Variants in PHF24 observed in about 807,000 individuals in gnomAD.
PHF24 encodes the protein Galpha inhibitory interacting protein.
Under a neutral mutation model 42.6 loss-of-function variants are expected in PHF24, and 25 were observed. That is an observed-to-expected ratio of 0.59 (90% CI 0.43 to 0.82). PHF24 has a LOEUF of 0.82. PHF24 is among the 40% of genes least tolerant of loss of function. PHF24 has a pLI of 0.00. For missense variants in PHF24, 470 were observed against 538.1 expected, an observed-to-expected ratio of 0.87 and a Z score of 1.25; for synonymous variants, 185 against 204.8, an observed-to-expected ratio of 0.90 and a Z score of 0.83.
At chr9:34,817,874 G>A in the PHF24 span, among the ~76,000 whole-genome samples, 1 of 152,130 alleles carries the variant, frequency 6.6e-6, no homozygotes, top group Non-Finnish European at 1.5e-5. Context: ...AAATCAATTG[G>A]CCATATATGT....
At chr9:34,938,568 T>C in the PHF24 span, among the ~76,000 whole-genome samples, 1 of 152,176 alleles carries the variant, frequency 6.6e-6, no homozygotes, top group African/African-American at 2.4e-5. Flanking sequence ...ACTGGCGATA[T>C]AACCCTGTGC....
At chr9:34,877,772 A>G in the PHF24 span, among the ~76,000 whole-genome samples, 3 of 152,210 alleles carry the variant, frequency 2.0e-5, no homozygotes, top group Non-Finnish European at 4.4e-5. Flanking sequence ...CATGTGCAGA[A>G]TGTGCAGTTT....
At chr9:34,787,666 T>C in the PHF24 span, among the ~76,000 whole-genome samples, 2 of 152,186 alleles carry the variant, frequency 1.3e-5, no homozygotes, top group African/African-American at 4.8e-5. Flanking sequence ...ACCAACTGAA[T>C]TGAACATCTG....
chr9:34,700,075 A>C, the PHF24 span, among the ~76,000 whole-genome samples: 1 of 152,288 alleles, frequency 6.6e-6, no homozygotes, highest in East Asian at 1.9e-4. Context: ...GGTAGAGAAA[A>C]CAGCAAGGGC....
chr9:34,915,826 C>T, the PHF24 span, among the ~76,000 whole-genome samples: 18 of 152,212 alleles, frequency 1.2e-4, no homozygotes, highest in Admixed American at 4.6e-4. Flanking sequence ...CTCTGTGTCC[C>T]GACCCAAATC....
the PHF24 span, among the ~76,000 whole-genome samples, chr9:34,720,451 C>CAAA: frequency 2.6e-4 from 9 of 34,716 alleles, no homozygotes; most frequent in Admixed American, 4.0e-4. Flanking sequence ...GACTCCGTCT[C>CAAA]AAAAAAAAAA....
At chr9:34,971,273 C>A (rs769157665) in intron 1 of PHF24, 22 bp from the exon 2 acceptor site, 1 of 1,570,138 alleles carries the variant, frequency 6.4e-7, no homozygotes, top group Admixed American at 1.7e-5. Flanking sequence ...TGAACCTGTG[C>A]CCCTCTGCTT....
At chr9:34,830,734 T>A in the PHF24 span, among the ~76,000 whole-genome samples, 1 of 152,094 alleles carries the variant, frequency 6.6e-6, no homozygotes, top group Non-Finnish European at 1.5e-5. Flanking sequence ...CTGAGAGACC[T>A]CCCAAAGCAG....
chr9:34,832,276 C>G, the PHF24 span: 1 of 545,190 alleles, frequency 1.8e-6, no homozygotes, highest in African/African-American at 1.9e-5. Flanking sequence ...ATGTTTCTAT[C>G]TGAACTGAGG....
At chr9:34,952,253 A>G in the PHF24 span, among the ~76,000 whole-genome samples, 1 of 152,188 alleles carries the variant, frequency 6.6e-6, no homozygotes, top group African/African-American at 2.4e-5. Context: ...AACAAAAACC[A>G]AGTATACGTC....
the PHF24 span, among the ~76,000 whole-genome samples, chr9:34,847,480 T>A: frequency 6.6e-6 from 1 of 151,976 alleles, no homozygotes; most frequent in African/African-American, 2.4e-5. Context: ...AAGTTGCTTA[T>A]CAGCTTAAGG....
At chr9:34,709,314 C>G in the PHF24 span, 42 of 1,551,342 alleles carry the variant, frequency 2.7e-5, no homozygotes, top group South Asian at 4.3e-4. Context: ...TGAGCATAGC[C>G]TCCTTCTTGC....
At chr9:34,916,326 G>A in the PHF24 span, among the ~76,000 whole-genome samples, 1 of 152,116 alleles carries the variant, frequency 6.6e-6, no homozygotes, top group African/African-American at 2.4e-5. Flanking sequence ...CTCTTTTATC[G>A]GGGTAGGAAC....
chr9:34,922,127 G>A, the PHF24 span: 1 of 1,418,950 alleles, frequency 7.0e-7, no homozygotes, highest in East Asian at 2.3e-5. Context: ...CAGCATGGAT[G>A]ACAAATGGTC....
chr9:34,672,176 ACTC>A, the PHF24 span, among the ~76,000 whole-genome samples: 1 of 146,632 alleles, frequency 6.8e-6, no homozygotes, highest in East Asian at 2.0e-4. Context: ...CCTGTAGGAA[ACTC>A]CTTTCCCACT....
the PHF24 span, among the ~76,000 whole-genome samples, chr9:34,853,632 TC>T: frequency 1.3e-5 from 2 of 151,562 alleles, no homozygotes; most frequent in Non-Finnish European, 2.9e-5. Flanking sequence ...ATCGAGACCA[TC>T]CCAGCTAAAA....
chr9:34,874,678 G>A, the PHF24 span, among the ~76,000 whole-genome samples: 3 of 152,110 alleles, frequency 2.0e-5, no homozygotes, highest in Non-Finnish European at 4.4e-5. Context: ...CATTCATTTA[G>A]ATATGCCTGC....
the PHF24 span, among the ~76,000 whole-genome samples, chr9:34,803,300 T>C: frequency 6.6e-6 from 1 of 152,076 alleles, no homozygotes; most frequent in African/African-American, 2.4e-5. Context: ...ATATTTAGTA[T>C]GTTCTAAATG....
At chr9:34,906,643 C>CAAAAAAA in the PHF24 span, among the ~76,000 whole-genome samples, 1 of 66,142 alleles carries the variant, frequency 1.5e-5, no homozygotes, top group East Asian at 4.1e-4. Context: ...GACTCCATCT[C>CAAAAAAA]AAAAAAAAAA....
Sources: allele counts gnomAD v4.1 joint callset (sites outside exome capture counted in the v4.1 genomes callset), GRCh38; gene constraint gnomAD v4.1.1; transcripts MANE v1.5; gene names NCBI Gene and HGNC (gene_info 2026-07-23, HGNC 2026-07-21).